PDE4B: variants seen among roughly 807,000 people sequenced by gnomAD.
PDE4B encodes phosphodiesterase 4B.
Under a neutral mutation model 82.2 loss-of-function variants are expected in PDE4B, and 20 were observed. The observed-to-expected ratio is 0.24, with a 90% CI of 0.17 to 0.35. The LOEUF (loss-of-function observed/expected upper bound fraction) is 0.35. Ranked by LOEUF, PDE4B falls within the 10% of genes least tolerant of loss-of-function variation. The probability of loss-of-function intolerance (pLI) is 1.00; values close to 1 mark genes in which losing one functional copy is unlikely to be tolerated. For missense variants in PDE4B, 655 were observed against 907.2 expected (o/e 0.72, Z 3.57); for synonymous variants, 320 against 318.9 (o/e 1.00, Z -0.04).
At chr1:66,037,340 T>G (rs888001195) in intron 3 of PDE4B, among the ~76,000 whole-genome samples, 1 of 152,062 alleles carries the variant, frequency 6.6e-6, no homozygotes, top group Non-Finnish European at 1.5e-5. Flanking sequence ...CTTTATTGGT[T>G]AAATGTAGTC....
intron 3 of PDE4B, among the ~76,000 whole-genome samples, chr1:66,067,279 G>A (rs1655903738): frequency 6.6e-6 from 1 of 152,016 alleles, no homozygotes; most frequent in Non-Finnish European, 1.5e-5. Context: ...CTTCCACAAT[G>A]GTTGAACTAG....
intron 1 of PDE4B, among the ~76,000 whole-genome samples, chr1:65,882,967 AT>A (rs1408220222): frequency 6.6e-6 from 1 of 152,160 alleles, no homozygotes; most frequent in African/African-American, 2.4e-5. Flanking sequence ...TTATGTCTTC[AT>A]TTGAATCTTT....
At chr1:65,804,600 TAAGAG>T (rs1276489021) in intron 1 of PDE4B, among the ~76,000 whole-genome samples, 1 of 152,128 alleles carries the variant, frequency 6.6e-6, no homozygotes, top group African/African-American at 2.4e-5. Flanking sequence ...AGGGAATTCT[TAAGAG>T]AAGATAGGGG....
chr1:66,373,658 A>C lies in PDE4B; in HGVS notation c.*980A>C. 1 of 152,522 alleles carries C rather than the reference A, an allele frequency of 6.6e-6. No individual in the cohort carries two copies. Among genetic ancestry groups the C allele is most frequent in the East Asian group, 1.9e-4 (1 of 5,196 alleles). The allele number at this position is 152,522 out of a possible 1,614,324, so 9.4% of individuals were successfully genotyped here. A position where few individuals can be genotyped will look rare whatever the true frequency, so the allele number is the denominator to read the frequency against. On this transcript the variant is annotated 3_prime_UTR_variant, in exon 17 of 17. Transcript: ENST00000341517. Reference sequence around the variant, plus strand: ...TTTATAACCGTGTATTTATTACTTAATGTATATAATGTAATGTTTTGTAAG... The same window carrying C: ...TTTATAACCGTGTATTTATTACTTACTGTATATAATGTAATGTTTTGTAAG...
intron 7 of PDE4B, chr1:66,330,663 G>T (rs775087148): frequency 6.2e-6 from 3 of 486,526 alleles, no homozygotes; most frequent in Non-Finnish European, 8.0e-6. Flanking sequence ...CTTTATTAGA[G>T]GCAGGGAATG....
intron 3 of PDE4B, among the ~76,000 whole-genome samples, chr1:66,220,314 T>G (rs1469417818): frequency 6.6e-6 from 1 of 152,184 alleles, no homozygotes; most frequent in African/African-American, 2.4e-5. Context: ...TACTTTTCTT[T>G]AAGCTTCACC....
At chr1:66,193,386 A>G (rs1282061079) in intron 3 of PDE4B, among the ~76,000 whole-genome samples, 1 of 152,188 alleles carries the variant, frequency 6.6e-6, no homozygotes, top group Non-Finnish European at 1.5e-5. Flanking sequence ...TGTCAAATCA[A>G]TGATGGAATG....
chr1:66,333,324 T>C (rs1269518194), intron 8 of PDE4B, among the ~76,000 whole-genome samples: 1 of 152,248 alleles, frequency 6.6e-6, no homozygotes, highest in Non-Finnish European at 1.5e-5. Flanking sequence ...TCTATCATTA[T>C]ATCATTTGTT....
At position 66,373,793 on chromosome 1, in the gene PDE4B, A is replaced by G. The variant is rs1320046295; in HGVS notation, c.*1115A>G. ...CTTGTAATGTTTTGTATTGTGTATT[A>G]TATAACCCAAACGTCACTTAGTAGA... is the stretch of plus-strand genomic sequence containing the variant. On this transcript the variant is annotated 3_prime_UTR_variant, in exon 17 of 17. Coordinates refer to ENST00000341517, the MANE Select transcript of PDE4B (RefSeq NM_002600.4). 6.6e-6 allele frequency: 1 copy of G among 152,392 alleles called. No individual in the cohort carries two copies. The highest frequency in any genetic ancestry group is 2.4e-5 in the African/African-American group (1 of 41,436). The allele number at this position is 152,392 out of a possible 1,614,324, so 9.4% of individuals were successfully genotyped here.
intron 3 of PDE4B, among the ~76,000 whole-genome samples, chr1:66,078,760 T>C (rs1231234468): frequency 2.0e-5 from 3 of 152,142 alleles, no homozygotes; most frequent in African/African-American, 7.2e-5. Context: ...TCTTTTCATT[T>C]TTTTCTGCAT....
intron 3 of PDE4B, among the ~76,000 whole-genome samples, chr1:66,238,340 G>A (rs543654089): frequency 3.9e-5 from 6 of 152,322 alleles, no homozygotes; most frequent in African/African-American, 1.2e-4. Flanking sequence ...GGTATTGGAT[G>A]AGGATGGGGG....
intron 7 of PDE4B, among the ~76,000 whole-genome samples, chr1:66,281,782 T>C (rs1013437469): frequency 2.0e-5 from 3 of 152,210 alleles, no homozygotes; most frequent in Non-Finnish European, 4.4e-5. Flanking sequence ...AGGAGATCTG[T>C]TTTTATCCTC....
At chr1:65,798,240 T>TGAACTCCTGACCTCAAG (rs1557752727) in intron 1 of PDE4B, among the ~76,000 whole-genome samples, 80 of 49,522 alleles carry the variant, frequency 1.6e-3, no homozygotes, top group Middle Eastern at 6.8e-3. Context: ...AGGCTAGTCT[T>TGAACTCCTGACCTCAAG]TTTTTTTTTT....
At chr1:65,881,243 C>G (rs1646704889) in intron 1 of PDE4B, among the ~76,000 whole-genome samples, 1 of 152,180 alleles carries the variant, frequency 6.6e-6, no homozygotes, top group Non-Finnish European at 1.5e-5. Flanking sequence ...TGGCTCAGAT[C>G]TCTCAGGAAT....
intron 3 of PDE4B, among the ~76,000 whole-genome samples, chr1:65,951,489 G>C (rs538482008): frequency 6.6e-6 from 1 of 151,962 alleles, no homozygotes; most frequent in Non-Finnish European, 1.5e-5. Flanking sequence ...GTCACCTCTC[G>C]TCAGGACTTC....
intron 7 of PDE4B, 89 bp from the exon 8 acceptor site, chr1:66,332,419 C>T (rs1282305819): frequency 1.2e-6 from 2 of 1,614,156 alleles, no homozygotes; most frequent in Admixed American, 1.7e-5. Flanking sequence ...CCTTCAGTAG[C>T]ACCGGAATCA....
intron 10 of PDE4B, 26 bp from the exon 11 acceptor site, chr1:66,363,142 A>T: frequency 6.7e-7 from 1 of 1,490,524 alleles, no homozygotes; most frequent in Non-Finnish European, 9.3e-7. Context: ...CCTTATTCCT[A>T]AATTCCTTTA....
intron 3 of PDE4B, among the ~76,000 whole-genome samples, chr1:66,168,760 C>A (rs1646784365): frequency 6.6e-6 from 1 of 152,186 alleles, no homozygotes; most frequent in Non-Finnish European, 1.5e-5. Context: ...TAAACTGTAG[C>A]AGGACAAGGG....
chr1:66,091,149 C>T (rs1645015056), intron 3 of PDE4B, among the ~76,000 whole-genome samples: 1 of 151,886 alleles, frequency 6.6e-6, no homozygotes, highest in Non-Finnish European at 1.5e-5. Context: ...GATTTAACTG[C>T]CAATTAACGA....
Sources: gnomAD v4.1 joint callset for allele counts (sites outside exome capture counted in the v4.1 genomes callset) on GRCh38, gnomAD v4.1.1 for gene constraint, MANE v1.5 for transcripts, NCBI Gene and HGNC (gene_info 2026-07-23, HGNC 2026-07-21) for gene names.